The following GPC3 variants were observed in gnomAD, a reference collection of about 807,000 sequenced individuals.
GPC3 encodes glypican 3, also known as glypican-3.
A neutral mutation model predicts 34.4 loss-of-function variants in GPC3; 3 were observed. That is an observed-to-expected ratio of 0.09 (90% CI 0.04 to 0.23). The LOEUF (loss-of-function observed/expected upper bound fraction) is 0.23, where lower values mean the gene tolerates loss of function less well. GPC3 is among the 10% of genes least tolerant of loss of function. The probability of loss-of-function intolerance (pLI) is 1.00; values close to 1 mark genes in which losing one functional copy is unlikely to be tolerated. For missense variants in GPC3, 351 were observed against 445.6 expected, an observed-to-expected ratio of 0.79 and a Z score of 1.91; for synonymous variants, 177 against 174.0, an observed-to-expected ratio of 1.02 and a Z score of -0.13.
At chrX:133,751,444 C>T (rs767273849) in intron 3 of GPC3, among the ~76,000 whole-genome samples, 19 of 111,985 alleles carry the variant, frequency 1.7e-4, no homozygotes, top group African/African-American at 4.9e-4. Context: ...TGAAGAACAC[C>T]GTAATTAGAT....
chrX:133,759,829 T>C (rs1192848464), intron 2 of GPC3, among the ~76,000 whole-genome samples: 1 of 111,090 alleles, frequency 9.0e-6, no homozygotes, highest in Non-Finnish European at 1.9e-5. Context: ...GAGTAAAGCA[T>C]ATGTCAAGAA....
intron 6 of GPC3, among the ~76,000 whole-genome samples, chrX:133,609,834 A>G (rs1435101512): frequency 8.9e-6 from 1 of 112,477 alleles, no homozygotes; most frequent in East Asian, 2.8e-4. Context: ...ACTAACATTC[A>G]CATCGACCTT....
intron 2 of GPC3, among the ~76,000 whole-genome samples, chrX:133,808,447 A>G (rs1425538462): frequency 1.8e-5 from 2 of 112,460 alleles, no homozygotes; most frequent in Non-Finnish European, 3.8e-5. Context: ...TAGAAAAACT[A>G]TTCAACAGAC....
At chrX:133,773,890 C>G (rs114337266) in intron 2 of GPC3, among the ~76,000 whole-genome samples, 1,154 of 111,662 alleles carry the variant, frequency 0.01, 26 homozygotes, top group African/African-American at 0.036. Context: ...GACAGGACTA[C>G]CTGAGTGTTA....
intron 2 of GPC3, among the ~76,000 whole-genome samples, chrX:133,896,489 T>C (rs920219481): frequency 1.8e-5 from 2 of 112,041 alleles, no homozygotes; most frequent in Non-Finnish European, 1.9e-5. Context: ...TTTTCAAAAG[T>C]TGGCAAAAGC....
intron 7 of GPC3, among the ~76,000 whole-genome samples, chrX:133,553,706 C>T (rs1157032326): frequency 1.8e-5 from 2 of 111,313 alleles, no homozygotes; most frequent in African/African-American, 6.5e-5. Flanking sequence ...AATATTTTGC[C>T]CTAAACTAAA....
chrX:133,842,846 T>G lies in GPC3; in HGVS notation c.338-88670A>C, dbSNP rs1035001024. Among the ~76,000 whole-genome samples, 7 of 111,202 alleles carry G rather than the reference T, an allele frequency of 6.3e-5. No individual in the cohort carries two copies. In the Admixed American group the frequency reaches 6.7e-4, roughly 11 times the overall value. ...TGCACACCTTCTGGTATTCTTGACTTTGGATAGTCTCCTCCCACAATGAAT... is the reference window on the plus strand; with the variant it reads ...TGCACACCTTCTGGTATTCTTGACTGTGGATAGTCTCCTCCCACAATGAAT... On this transcript the variant is annotated intron_variant, in intron 2 of 7. Transcript: ENST00000370818.
intron 2 of GPC3, among the ~76,000 whole-genome samples, chrX:133,781,489 G>A (rs1248071645): frequency 8.9e-6 from 1 of 112,152 alleles, no homozygotes; most frequent in African/African-American, 3.2e-5. Context: ...GACCAATAAA[G>A]CACTTTTTCT....
chrX:133,920,503 C>T (rs1297940360), intron 2 of GPC3, among the ~76,000 whole-genome samples: 2 of 111,758 alleles, frequency 1.8e-5, no homozygotes, highest in African/African-American at 6.5e-5. Flanking sequence ...TGGGGACAAC[C>T]TACATGTATA....
At chrX:133,704,219 C>A in intron 3 of GPC3, 1 of 1,102,984 alleles carries the variant, frequency 9.1e-7, no homozygotes, top group Non-Finnish European at 1.2e-6. Context: ...AAGTCTAGCC[C>A]TATACACAGG....
intron 6 of GPC3, among the ~76,000 whole-genome samples, chrX:133,638,846 C>T (rs1173376455): frequency 1.9e-5 from 2 of 103,049 alleles, no homozygotes; most frequent in African/African-American, 8.2e-5. Flanking sequence ...AGAAAAAAAT[C>T]GCAAAGAAAT....
intron 2 of GPC3, among the ~76,000 whole-genome samples, chrX:133,757,430 A>G: frequency 9.0e-6 from 1 of 111,557 alleles, no homozygotes; most frequent in East Asian, 2.8e-4. Context: ...ATGGTTCAAT[A>G]ACTTCTACTA....
At chrX:133,812,805 G>T (rs2075671871) in intron 2 of GPC3, among the ~76,000 whole-genome samples, 1 of 112,152 alleles carries the variant, frequency 8.9e-6, no homozygotes, top group African/African-American at 3.2e-5. Context: ...GCTCAGCAAA[G>T]CTCAAATCCT....
At chrX:133,952,518 T>A (rs1220327078) in intron 2 of GPC3, among the ~76,000 whole-genome samples, 1 of 112,135 alleles carries the variant, frequency 8.9e-6, no homozygotes, top group African/African-American at 3.2e-5. Context: ...GTTCTGGCAA[T>A]GCCACAACAG....
chrX:133,853,036 T>C (rs1362943376), intron 2 of GPC3, among the ~76,000 whole-genome samples: 1 of 100,264 alleles, frequency 1.0e-5, no homozygotes, highest in African/African-American at 3.6e-5. Context: ...TTCCTTTCAA[T>C]GCCAGTGAGA....
chrX:133,834,042 T>C (rs941925289), intron 2 of GPC3, among the ~76,000 whole-genome samples: 13 of 112,469 alleles, frequency 1.2e-4, no homozygotes, highest in Non-Finnish European at 1.9e-5. Context: ...TGGATATTTA[T>C]TCATGTCATT....
chrX:133,772,330 T>C (rs1255904060), intron 2 of GPC3, among the ~76,000 whole-genome samples: 2 of 111,001 alleles, frequency 1.8e-5, no homozygotes, highest in Non-Finnish European at 3.8e-5. Flanking sequence ...AGCAGACCTA[T>C]GTCACTATTG....
intron 5 of GPC3, among the ~76,000 whole-genome samples, chrX:133,667,375 G>A (rs1260176128): frequency 8.9e-6 from 1 of 111,831 alleles, no homozygotes; most frequent in Non-Finnish European, 1.9e-5. Context: ...ACATCTCAGG[G>A]CCTCTGGGAA....
intron 2 of GPC3, among the ~76,000 whole-genome samples, chrX:133,798,613 C>T (rs777535486): frequency 4.4e-5 from 5 of 112,413 alleles, no homozygotes; most frequent in Non-Finnish European, 9.4e-5. Flanking sequence ...ATGTGAGAAG[C>T]AGCTTTGTAA....
Sources: gnomAD v4.1 joint callset for allele counts (sites outside exome capture counted in the v4.1 genomes callset) on GRCh38, gnomAD v4.1.1 for gene constraint, MANE v1.5 for transcripts, NCBI Gene and HGNC (gene_info 2026-07-23, HGNC 2026-07-21) for gene names.